The following PKD1L3 variants were observed in gnomAD, a reference collection of about 807,000 sequenced individuals.
The protein encoded by PKD1L3 is polycystin-1-like protein 3.
Under a neutral mutation model 184.1 loss-of-function variants are expected in PKD1L3, and 239 were observed. The observed-to-expected ratio is 1.30, with a 90% CI of 1.17 to 1.45. PKD1L3 has a LOEUF of 1.45. Ranked by LOEUF, PKD1L3 falls within the 40% of genes most tolerant of loss-of-function variation. The pLI, the probability that PKD1L3 is intolerant of heterozygous loss-of-function variation, is 0.00. For synonymous variants in PKD1L3, 996 were observed against 778.8 expected (o/e 1.28, Z -4.64); for missense variants, 2,660 against 2,067.2 (o/e 1.29, Z -5.56).
chr16:71,977,363 G>C lies in PKD1L3; in HGVS notation c.1632C>G (p.Ser544=), dbSNP rs2039969155. 6 of 1,550,016 alleles carry C rather than the reference G, an allele frequency of 3.9e-6. No homozygotes were observed. Among genetic ancestry groups the C allele is most frequent in the Non-Finnish European group, 5.2e-6 (6 of 1,145,522 alleles). The part of the protein sequence containing the change: ...ITVNVTSLEK[S]LIVSIDPDSP... ...TGTCAGGATCTATGCTCACTATCAA[G>C]GATTTCTCCAAGGAAGTGACGTTCA... The change falls in exon 11 of 30, where the codon TCC becomes TCG. Residue 544 remains serine, a synonymous_variant. Coordinates refer to ENST00000620267, the MANE Select transcript of PKD1L3 (RefSeq NM_181536.2).
chr16:71,995,598 A>G (rs1370372203), intron 2 of PKD1L3, among the ~76,000 whole-genome samples: 1 of 152,164 alleles, frequency 6.6e-6, no homozygotes, highest in Non-Finnish European at 1.5e-5. Context: ...ACTGCAGTAC[A>G]TGGAGATTGT....
At chr16:71,965,781 T>C (rs2039480865) in intron 15 of PKD1L3, among the ~76,000 whole-genome samples, 1 of 152,082 alleles carries the variant, frequency 6.6e-6, no homozygotes, top group African/African-American at 2.4e-5. Context: ...CTCAAACTCC[T>C]GACCTCAAGT....
chr16:71,994,747 C>T (rs2040720867), intron 2 of PKD1L3, among the ~76,000 whole-genome samples: 1 of 152,054 alleles, frequency 6.6e-6, no homozygotes, highest in Admixed American at 6.6e-5. Flanking sequence ...GCCTGTAATC[C>T]CCGCACTTAG....
At chr16:71,954,537 A>G (rs1223517009) in intron 16 of PKD1L3, among the ~76,000 whole-genome samples, 2 of 152,196 alleles carry the variant, frequency 1.3e-5, no homozygotes, top group East Asian at 3.8e-4. Context: ...GTTGTTGAGG[A>G]TAATTTATAT....
At chr16:71,945,804 C>T (rs754719729) in intron 22 of PKD1L3, among the ~76,000 whole-genome samples, 42 of 152,048 alleles carry the variant, frequency 2.8e-4, no homozygotes, top group South Asian at 2.3e-3. Context: ...TCAGAGAAGG[C>T]GCCACAGAGG....
At chr16:71,992,340 T>C (rs1006145760) in intron 3 of PKD1L3, among the ~76,000 whole-genome samples, 2 of 152,170 alleles carry the variant, frequency 1.3e-5, no homozygotes, top group African/African-American at 4.8e-5. Context: ...ATAGGTGAAA[T>C]AGTCAAATGT....
chr16:71,992,052 C>T (rs1283321172), intron 3 of PKD1L3, among the ~76,000 whole-genome samples: 1 of 152,116 alleles, frequency 6.6e-6, no homozygotes, highest in Non-Finnish European at 1.5e-5. Context: ...AACTCCTGGC[C>T]TCAAGCAGTC....
At chr16:71,963,132 C>T (rs985185912) in intron 16 of PKD1L3, 73 bp downstream of exon 16, 16 of 1,355,922 alleles carry the variant, frequency 1.2e-5, no homozygotes, top group Non-Finnish European at 1.6e-5. Flanking sequence ...GCATTAAAAA[C>T]AATTCAATCG....
chr16:71,955,034 G>A (rs2038991379), intron 16 of PKD1L3, among the ~76,000 whole-genome samples: 1 of 150,576 alleles, frequency 6.6e-6, no homozygotes, highest in Admixed American at 6.6e-5. Flanking sequence ...TTTATAGTAA[G>A]GAGGTGAGAA....
At chr16:71,994,454 T>A (rs1057117442) in intron 2 of PKD1L3, among the ~76,000 whole-genome samples, 1 of 152,222 alleles carries the variant, frequency 6.6e-6, no homozygotes, top group Non-Finnish European at 1.5e-5. Context: ...CCTTCTCTCA[T>A]GCTGCTACAA....
intron 27 of PKD1L3, 56 bp downstream of exon 27, chr16:71,933,859 T>C (rs2038078698): frequency 2.0e-6 from 3 of 1,519,234 alleles, no homozygotes; most frequent in Non-Finnish European, 1.8e-6. Flanking sequence ...TGGGAAGCGA[T>C]GCGATTCCAA....
intron 19 of PKD1L3, 32 bp from the exon 20 acceptor site, chr16:71,950,342 A>C (rs1264139789): frequency 6.7e-7 from 1 of 1,485,766 alleles, no homozygotes; most frequent in East Asian, 2.5e-5. Flanking sequence ...ACACTTTCAC[A>C]AGTGGATTTC....
At chr16:71,999,500 C>G (rs1304552699) in intron 1 of PKD1L3, among the ~76,000 whole-genome samples, 184 bp downstream of exon 1, 1 of 151,992 alleles carries the variant, frequency 6.6e-6, no homozygotes, top group Non-Finnish European at 1.5e-5. Context: ...ATCATTTTTG[C>G]TAACAGACAA....
Position 71,947,477 on chromosome 16 carries a change from A to T in PKD1L3, c.3718+15T>A. 1.3e-6 allele frequency: 2 copies of T among 1,498,042 alleles called. No homozygotes were observed. Among genetic ancestry groups the T allele is most frequent in the East Asian group, 2.5e-5 (1 of 40,582 alleles). 92.8% of individuals were successfully genotyped at this position (1,498,042 alleles called of 1,614,324 possible). A position where few individuals can be genotyped will look rare whatever the true frequency, so the allele number is the denominator to read the frequency against. ...TTTTGCAAAATTAGGTAGTTGTTAG[A>T]ACTACTTGAGTTACCCAAGAGTGCC... is the stretch of plus-strand genomic sequence containing the variant. On this transcript the variant is annotated intron_variant, in intron 22 of 29. Transcript: ENST00000620267.
intron 16 of PKD1L3, among the ~76,000 whole-genome samples, chr16:71,961,632 G>T (rs779426742): frequency 4.6e-5 from 7 of 152,040 alleles, no homozygotes; most frequent in Non-Finnish European, 4.4e-5. Context: ...TGCTGACCTT[G>T]TGAGCGAATC....
chr16:71,970,686 T>TAGTC (rs2039677782), intron 12 of PKD1L3, among the ~76,000 whole-genome samples: 2 of 152,168 alleles, frequency 1.3e-5, no homozygotes, highest in African/African-American at 4.8e-5. Flanking sequence ...CGCATGCCTG[T>TAGTC]AGTCCCAGCT....
At chr16:71,988,554 C>A (rs1484723005) in intron 4 of PKD1L3, among the ~76,000 whole-genome samples, 2 of 152,044 alleles carry the variant, frequency 1.3e-5, no homozygotes, top group Non-Finnish European at 2.9e-5. Flanking sequence ...ATCGTGGTGA[C>A]CATGGTGAGA....
chr16:71,995,151 G>T (rs1185601953), intron 2 of PKD1L3, among the ~76,000 whole-genome samples: 2 of 152,178 alleles, frequency 1.3e-5, no homozygotes. Context: ...GGCACTTGGA[G>T]TTGGGGGAAG....
In PKD1L3 at chr16:71,975,254, C is replaced by T. The variant is rs191487437; in HGVS notation, c.1760-1737G>A. On this transcript the variant is annotated intron_variant, in intron 11 of 29. Coordinates refer to ENST00000620267, the MANE Select transcript of PKD1L3 (RefSeq NM_181536.2). ...TTTTTTTTTTGTGGAGACAGAGTCT[C>T]GCTCTGTTGCCCAGGCTAGTCTCAA... Among the ~76,000 whole-genome samples, 543 of 150,156 alleles carry T rather than the reference C, an allele frequency of 3.6e-3. 4 individuals are homozygous for T. Among genetic ancestry groups the T allele is most frequent in the African/African-American group, 0.012 (510 of 40,816 alleles).
Sources: gnomAD v4.1 joint callset for allele counts (sites outside exome capture counted in the v4.1 genomes callset) on GRCh38, gnomAD v4.1.1 for gene constraint, MANE v1.5 for transcripts, NCBI Gene and HGNC (gene_info 2026-07-23, HGNC 2026-07-21) for gene names.